The following SGF29 variants were observed in gnomAD, a reference collection of about 807,000 sequenced individuals.
SGF29 encodes SAGA complex associated factor 29.
Under a neutral mutation model 38.1 loss-of-function variants are expected in SGF29, and 15 were observed. The ratio of observed to expected loss-of-function variants is 0.39; its 90% CI spans 0.26 to 0.61. The LOEUF (loss-of-function observed/expected upper bound fraction) is 0.61. Among genes scored for constraint, SGF29 ranks in the 20% least tolerant of loss-of-function variants. The pLI, the probability that SGF29 is intolerant of heterozygous loss-of-function variation, is 0.49. For synonymous variants in SGF29, 151 were observed against 160.8 expected (o/e 0.94, Z 0.46); for missense variants, 184 against 394.6 (o/e 0.47, Z 4.52).
At chr16:28,571,619 T>C (rs1206352190) in intron 1 of SGF29, among the ~76,000 whole-genome samples, 1 of 145,678 alleles carries the variant, frequency 6.9e-6, no homozygotes, top group Non-Finnish European at 1.5e-5. Context: ...AGATTCTGAA[T>C]CTTTGGGAAG....
chr16:28,590,779 C>T lies in SGF29; in HGVS notation c.609C>T (p.His203=), dbSNP rs750607177. ...DDIDEEGKER[H]TLSRRRVIPL... is the part of the protein sequence containing the mutation. Reference sequence around the variant, plus strand: ...TAAGCCCCTCTTCCCCCAGGAGACACACCCTGAGCCGGCGCCGTGTCATCC... The same window carrying T: ...TAAGCCCCTCTTCCCCCAGGAGACATACCCTGAGCCGGCGCCGTGTCATCC... The change falls in exon 9 of 10, where the codon CAC becomes CAT. Residue 203 remains histidine (H), a synonymous_variant. Transcript: ENST00000317058. This position sits in a 1 kb window ranked among gnomAD's most constrained non-coding sequence, Gnocchi z 8.2. The T allele has an allele frequency of 4.3e-6, 7 of 1,613,942 alleles. No homozygotes were observed. Among genetic ancestry groups the T allele is most frequent in the East Asian group, 2.2e-5 (1 of 44,884 alleles).
At chr16:28,566,421 C>T (rs2046836618) in intron 1 of SGF29, among the ~76,000 whole-genome samples, 1 of 152,054 alleles carries the variant, frequency 6.6e-6, no homozygotes, top group Non-Finnish European at 1.5e-5. Context: ...AAGTAATTAA[C>T]TGAGAGGATT....
intron 1 of SGF29, among the ~76,000 whole-genome samples, chr16:28,564,763 G>A (rs201161121): frequency 0.32 from 10,817 of 33,802 alleles, 1,669 homozygotes; most frequent in Non-Finnish European, 0.42. Flanking sequence ...ATGTATATAT[G>A]TATATATATG....
chr16:28,584,813 TG>T, intron 2 of SGF29, 99 bp from the exon 3 acceptor site: 2 of 562,526 alleles, frequency 3.6e-6, no homozygotes, highest in Non-Finnish European at 5.8e-6. Flanking sequence ...AAAAAGAAAA[TG>T]AGGGCCGTAT....
At chr16:28,554,667 GT>G (rs2046736249) in intron 1 of SGF29, among the ~76,000 whole-genome samples, 1 of 152,052 alleles carries the variant, frequency 6.6e-6, no homozygotes, top group African/African-American at 2.4e-5. Context: ...CTATCCTCCA[GT>G]TACCTCCTCC....
Position 28,590,783 on chromosome 16 carries a change from C to T in SGF29, c.613C>T (p.Leu205=). The T allele has an allele frequency of 6.2e-7, 1 of 1,614,044 alleles. No individual in the cohort carries two copies. Among genetic ancestry groups the T allele is most frequent in the Non-Finnish European group, 8.5e-7 (1 of 1,179,952 alleles). ...IDEEGKERHT[L]SRRRVIPLPQ... ...CCCCTCTTCCCCCAGGAGACACACC[C>T]TGAGCCGGCGCCGTGTCATCCCGCT... Residue 205 remains leucine, a synonymous_variant, in exon 9 of 10, where the codon CTG becomes TTG. Coordinates refer to ENST00000317058, the MANE Select transcript of SGF29 (RefSeq NM_138414.3). The surrounding 1 kb of genome is among the most constrained non-coding windows in gnomAD (Gnocchi z 8.2).
chr16:28,572,873 C>T (rs1420534541), intron 1 of SGF29, among the ~76,000 whole-genome samples: 1 of 152,074 alleles, frequency 6.6e-6, no homozygotes, highest in Non-Finnish European at 1.5e-5. Flanking sequence ...CCTGGCTTCT[C>T]AGCATGAAAC....
chr16:28,581,542 CT>C (rs566141026), intron 2 of SGF29, among the ~76,000 whole-genome samples: 64 of 148,836 alleles, frequency 4.3e-4, no homozygotes, highest in South Asian at 3.2e-3. Flanking sequence ...CAAAAACACT[CT>C]TTTTTTTTTG....
chr16:28,557,965 G>GTTTTTTTTTTTTTTTTTTTTTTT (rs753237384), intron 1 of SGF29, among the ~76,000 whole-genome samples: 1 of 65,618 alleles, frequency 1.5e-5, no homozygotes, highest in Non-Finnish European at 2.8e-5. Flanking sequence ...TTCTTTCTCT[G>GTTTTTTTTTTTTTTTTTTTTTTT]TTTTTTTTTT....
rs747288559 is a variant in SGF29 at position 28,589,123 on chromosome 16, A to C, written c.248A>C (p.Lys83Thr). The C allele has an allele frequency of 6.2e-7, 1 of 1,614,166 alleles. No individual in the cohort carries two copies. Residue 83 changes from lysine to threonine, a missense_variant, in exon 5 of 10, where the codon AAG becomes ACG. Lys to Thr is a moderately conservative substitution (Grantham distance 78). Coordinates refer to ENST00000317058, the MANE Select transcript of SGF29 (RefSeq NM_138414.3). ...AGCATCCTTCGGAAAGCTCTGGACAAGATCGCGGAAATCAAGTCTCTGTTG... is the reference window on the plus strand; with the variant it reads ...AGCATCCTTCGGAAAGCTCTGGACACGATCGCGGAAATCAAGTCTCTGTTG... The part of the protein sequence containing the change: ...ECNILRKALD[K>T]IAEIKSLLEE...
chr16:28,554,756 C>CCT (rs2151639273), intron 1 of SGF29, among the ~76,000 whole-genome samples: 1 of 152,304 alleles, frequency 6.6e-6, no homozygotes, highest in Admixed American at 6.5e-5. Flanking sequence ...AACCCTTGAG[C>CCT]CTCTAGTCAG....
intron 1 of SGF29, among the ~76,000 whole-genome samples, chr16:28,572,725 C>T (rs1019875511): frequency 2.0e-5 from 3 of 152,126 alleles, no homozygotes; most frequent in Non-Finnish European, 4.4e-5. Context: ...GCAGCAAGAT[C>T]GTGTGTCTGA....
intron 1 of SGF29, among the ~76,000 whole-genome samples, chr16:28,564,710 TATATATGTATATATATAC>T (rs2046821512): frequency 2.2e-5 from 2 of 92,068 alleles, no homozygotes; most frequent in African/African-American, 7.8e-5. Context: ...TATATATACA[TATATATGTATATATATAC>T]ATATATATGT....
intron 1 of SGF29, among the ~76,000 whole-genome samples, chr16:28,556,743 A>T (rs149509862): frequency 0.012 from 1,757 of 152,200 alleles, 8 homozygotes; most frequent in Non-Finnish European, 0.02. Flanking sequence ...TCCTGGGCTC[A>T]AGTGATCCTC....
intron 1 of SGF29, among the ~76,000 whole-genome samples, chr16:28,561,670 A>G (rs1339003037): frequency 6.6e-6 from 1 of 152,200 alleles, no homozygotes; most frequent in African/African-American, 2.4e-5. Context: ...CAGCATTCCT[A>G]AGAATGCTTG....
At chr16:28,569,648 T>C (rs2046853121) in intron 1 of SGF29, among the ~76,000 whole-genome samples, 1 of 151,872 alleles carries the variant, frequency 6.6e-6, no homozygotes, top group Non-Finnish European at 1.5e-5. Context: ...CGAGAGCCTG[T>C]CTCAAAAAGA....
intron 4 of SGF29, 121 bp from the exon 5 acceptor site, chr16:28,588,979 A>T (rs2046971044): frequency 2.0e-6 from 2 of 995,614 alleles, no homozygotes; most frequent in African/African-American, 1.6e-5. Context: ...CTACTGTGAG[A>T]ACCTCTGGAG....
chr16:28,586,412 G>T (rs866161445), intron 4 of SGF29, among the ~76,000 whole-genome samples: 1 of 151,482 alleles, frequency 6.6e-6, no homozygotes, highest in East Asian at 1.9e-4. Flanking sequence ...GGTGGCGCAC[G>T]CTACTTGGGA....
Position 28,590,252 on chromosome 16 carries a change from G to C in SGF29, c.419+27G>C, listed in dbSNP as rs367762239. ...TGAGGGCAGCAGCTGCGAGGGAGGGGCTGGTGCCCAGGGGCTGGGACTGAC... is the reference window on the plus strand; with the variant it reads ...TGAGGGCAGCAGCTGCGAGGGAGGGCCTGGTGCCCAGGGGCTGGGACTGAC... On this transcript the variant is annotated intron_variant, in intron 6 of 9. Coordinates refer to ENST00000317058, the MANE Select transcript of SGF29 (RefSeq NM_138414.3). The surrounding 1 kb of genome is among the most constrained non-coding windows in gnomAD (Gnocchi z 8.2). The C allele has an allele frequency of 5.6e-6, 9 of 1,609,462 alleles. No homozygotes were observed. Among genetic ancestry groups the C allele is most frequent in the Non-Finnish European group, 5.9e-6 (7 of 1,178,182 alleles).
Sources: gnomAD v4.1 joint callset for allele counts (sites outside exome capture counted in the v4.1 genomes callset) on GRCh38, gnomAD v4.1.1 for gene constraint, Gnocchi (gnomAD v3.1) non-coding constraint, MANE v1.5 for transcripts, NCBI Gene and HGNC (gene_info 2026-07-23, HGNC 2026-07-21) for gene names.